MYRFL: variants seen among roughly 807,000 people sequenced by gnomAD.
MYRFL encodes myelin regulatory factor like, also known as myelin regulatory factor-like protein.
A neutral mutation model predicts 109.4 loss-of-function variants in MYRFL; 88 were observed. That is an observed-to-expected ratio of 0.80 (90% CI 0.68 to 0.96). The LOEUF (loss-of-function observed/expected upper bound fraction) is 0.96. Among genes scored for constraint, MYRFL ranks in the 40% least tolerant of loss-of-function variants. The probability of loss-of-function intolerance (pLI) is 0.00; values close to 1 mark genes in which losing one functional copy is unlikely to be tolerated. For synonymous variants in MYRFL, 324 were observed against 320.9 expected (o/e 1.01, Z -0.10); for missense variants, 957 against 954.9 (o/e 1.00, Z -0.03).
rs1955108078 is a variant in MYRFL at position 69,926,932 on chromosome 12, GGTTTTTTTTTTT to G, written c.1766+199_1766+210del. Among the ~76,000 whole-genome samples, 4 of 76,872 alleles carry G rather than the reference GGTTTTTTTTTTT, an allele frequency of 5.2e-5. 1 individual carries two copies. The highest frequency in any genetic ancestry group is 1.0e-4 in the Non-Finnish European group (4 of 39,082). The allele number at this position is 76,872 out of a possible 152,430, so 50.4% of individuals were successfully genotyped here. ...ACTTTCTTAGTTTTTTTCTGTTGCT[GGTTTTTTTTTTT>G]TTTTTTTTTTTTTTTTTGAGCCTGA... On this transcript the variant is annotated intron_variant, in intron 14 of 24. Transcript: ENST00000552032.
At chr12:69,850,728 A>C (rs1002523897) in intron 1 of MYRFL, among the ~76,000 whole-genome samples, 1 of 152,110 alleles carries the variant, frequency 6.6e-6, no homozygotes, top group African/African-American at 2.4e-5. Context: ...CTGTAGCCAA[A>C]ATCCCCTTAG....
At position 69,958,240 on chromosome 12, in the gene MYRFL, A is replaced by ATAAAT; in HGVS notation, c.2572-9_2572-8insTAAAT. ...GTACGAAATGGATCCTCTTTTATTC[A>ATAAAT]CTATTTAGGGATATCAGCACATTTG... On this transcript the variant is annotated splice_polypyrimidine_tract_variant and intron_variant, in intron 23 of 24. Transcript: ENST00000552032. 1.3e-6 allele frequency: 2 copies of ATAAAT among 1,530,656 alleles called. No homozygotes were observed. The highest frequency in any genetic ancestry group is 1.7e-6 in the Non-Finnish European group (2 of 1,143,622). 94.8% of individuals were successfully genotyped at this position (1,530,656 alleles called of 1,614,324 possible).
At position 69,952,815 on chromosome 12, in the gene MYRFL, C is replaced by T; in HGVS notation, c.2304C>T (p.Ile768=). 1 of 1,531,276 alleles carries T rather than the reference C, an allele frequency of 6.5e-7. No individual in the cohort carries two copies. Among genetic ancestry groups the T allele is most frequent in the Non-Finnish European group, 8.7e-7 (1 of 1,143,466 alleles). The allele number at this position is 1,531,276 out of a possible 1,614,324, so 94.9% of individuals were successfully genotyped here. A position where few individuals can be genotyped will look rare whatever the true frequency, so the allele number is the denominator to read the frequency against. The change falls in exon 21 of 25, where the codon ATC becomes ATT. Residue 768 remains isoleucine, a synonymous_variant. Coordinates refer to ENST00000552032, the MANE Select transcript of MYRFL (RefSeq NM_182530.3). ...DWESDWIDTT[I]SSIQIMEIQQ... is the part of the protein sequence containing the mutation. ...TCAATTCAGGGATTGATACAACCAT[C>T]AGTTCTATTCAGATTATGGAAATCC...
chr12:69,856,604 T>A (rs1283573132), intron 2 of MYRFL, among the ~76,000 whole-genome samples: 1 of 152,046 alleles, frequency 6.6e-6, no homozygotes, highest in African/African-American at 2.4e-5. Flanking sequence ...TTCTAATTGG[T>A]TTGTAATGAC....
chr12:69,922,170 T>C lies in MYRFL; in HGVS notation c.1603-4401T>C, dbSNP rs535717091. Reference sequence around the variant, plus strand: ...TAGAGAGGACGGCTGGAAATCTGTTTTGGGCTGCTGGTGGACATCAGCTGA... The same window carrying C: ...TAGAGAGGACGGCTGGAAATCTGTTCTGGGCTGCTGGTGGACATCAGCTGA... On this transcript the variant is annotated intron_variant, in intron 13 of 24. Coordinates refer to ENST00000552032, the MANE Select transcript of MYRFL (RefSeq NM_182530.3). Among the ~76,000 whole-genome samples the C allele has an allele frequency of 2.0e-5, 3 of 152,214 alleles. No homozygotes were observed. In the East Asian group the frequency reaches 5.8e-4, roughly 29 times the overall value.
rs576034261 is a variant in MYRFL at position 69,847,491 on chromosome 12, AAGAAG to A, written c.47-7784_47-7780del. Among the ~76,000 whole-genome samples the A allele has an allele frequency of 4.5e-3, 691 of 152,358 alleles. 6 individuals are homozygous for A. Among genetic ancestry groups the A allele is most frequent in the African/African-American group, 0.015 (637 of 41,582 alleles). On this transcript the variant is annotated intron_variant, in intron 1 of 24. Coordinates refer to ENST00000552032, the MANE Select transcript of MYRFL (RefSeq NM_182530.3). ...ACATTTAAAGAATAAAACAAGTATAAAGAAGAGAAAACAAAACAAAGCACTATCAC... is the reference window on the plus strand; with the variant it reads ...ACATTTAAAGAATAAAACAAGTATAAAGAAAACAAAACAAAGCACTATCAC...
intron 19 of MYRFL, among the ~76,000 whole-genome samples, chr12:69,945,119 T>G (rs1955794450): frequency 6.6e-6 from 1 of 152,168 alleles, no homozygotes; most frequent in East Asian, 1.9e-4. Context: ...AGTCAAAAAG[T>G]TTTTTAAAAT....
In MYRFL at chr12:69,955,454, A is replaced by G; in HGVS notation, c.2450+17A>G. ...GGAAATAAAGTAAGTGCATGGCTGT[A>G]AAAAACAATTTCATTTTTATCATTA... On this transcript the variant is annotated intron_variant, in intron 22 of 24. Transcript: ENST00000552032. 1 of 582,378 alleles carries G rather than the reference A, an allele frequency of 1.7e-6. No homozygotes were observed. The highest frequency in any genetic ancestry group is 2.2e-5 in the South Asian group (1 of 44,480). 36.1% of individuals were successfully genotyped at this position (582,378 alleles called of 1,614,324 possible). A position where few individuals can be genotyped will look rare whatever the true frequency, so the allele number is the denominator to read the frequency against.
chr12:69,908,874 C>T (rs757005305), intron 11 of MYRFL, among the ~76,000 whole-genome samples: 7 of 152,062 alleles, frequency 4.6e-5, no homozygotes, highest in Non-Finnish European at 1.0e-4. Context: ...GCCTAGTACC[C>T]ATCAGCTGTT....
chr12:69,831,134 A>G (rs893896476), intron 1 of MYRFL, among the ~76,000 whole-genome samples: 4 of 152,186 alleles, frequency 2.6e-5, no homozygotes, highest in African/African-American at 4.8e-5. Flanking sequence ...TATAATTTGT[A>G]CTTTTTAGTA....
chr12:69,897,348 T>C (rs1207931253), intron 10 of MYRFL, 102 bp downstream of exon 10: 5 of 815,966 alleles, frequency 6.1e-6, no homozygotes, highest in Non-Finnish European at 1.0e-5. Flanking sequence ...ATTTCGATGA[T>C]AATGATAGTA....
At chr12:69,833,831 T>C (rs1028815094) in intron 1 of MYRFL, among the ~76,000 whole-genome samples, 1 of 149,286 alleles carries the variant, frequency 6.7e-6, no homozygotes, top group African/African-American at 2.5e-5. Context: ...GGGCTTGCTT[T>C]TTTTTTTTTT....
chr12:69,910,704 G>C (rs772775386), intron 12 of MYRFL, 117 bp from the exon 13 acceptor site: 1 of 637,272 alleles, frequency 1.6e-6, no homozygotes, highest in Admixed American at 3.2e-5. Context: ...GTGGTTCTTG[G>C]CTCAAAATTC....
At chr12:69,849,236 T>C (rs777437898) in intron 1 of MYRFL, among the ~76,000 whole-genome samples, 9 of 152,246 alleles carry the variant, frequency 5.9e-5, no homozygotes, top group Non-Finnish European at 1.2e-4. Flanking sequence ...CATATGAATA[T>C]ATATAATCTT....
At chr12:69,922,337 T>A (rs1348685957) in intron 13 of MYRFL, among the ~76,000 whole-genome samples, 1 of 152,188 alleles carries the variant, frequency 6.6e-6, no homozygotes, top group Non-Finnish European at 1.5e-5. Flanking sequence ...TCTGCCTTAT[T>A]TTTATTACAA....
chr12:69,895,474 G>C lies in MYRFL; in HGVS notation c.1084G>C (p.Asp362His). The C allele has an allele frequency of 6.5e-7, 1 of 1,535,242 alleles. No homozygotes were observed. ...GAGAAAAAAGGGAAAACCAAATCCA[G>C]ACCAGAGGTACTGATGTCACTGTGT... ...NMRKKGKPNP[D>H]QRYFMLVVGL... Residue 362 changes from aspartate (D) to histidine (H), a missense_variant, in exon 9 of 25, where the codon GAC becomes CAC. By Grantham distance (81) the Asp-to-His change is moderately conservative. Transcript: ENST00000552032.
chr12:69,900,917 G>C (rs1162489145), intron 10 of MYRFL, among the ~76,000 whole-genome samples: 1 of 152,212 alleles, frequency 6.6e-6, no homozygotes, highest in African/African-American at 2.4e-5. Flanking sequence ...TTAAATAGCT[G>C]CTGCTGTGCC....
chr12:69,938,629 T>C (rs535142309), intron 19 of MYRFL, among the ~76,000 whole-genome samples: 1 of 152,300 alleles, frequency 6.6e-6, no homozygotes, highest in East Asian at 1.9e-4. Context: ...ATTTGCACTT[T>C]AGTTTTTAAT....
At position 69,952,120 on chromosome 12, in the gene MYRFL, A is replaced by C. The variant is rs1955992384; in HGVS notation, c.2232A>C (p.Lys744Asn). The stretch of plus-strand genomic sequence containing the variant: ...GACTTGTTTCCTTTTCAGAAGACAA[A>C]AGCAAATCAGTTTTGGCAAGAAATG... Reference protein sequence around the residue: ...EFHQRRWSEDKSKSVLARNAL... With the variant: ...EFHQRRWSEDNSKSVLARNAL... The change falls in exon 20 of 25, where the codon AAA becomes AAC. Residue 744 changes from lysine (K) to asparagine (N), a missense_variant. Coordinates refer to ENST00000552032, the MANE Select transcript of MYRFL (RefSeq NM_182530.3). The C allele has an allele frequency of 6.5e-7, 1 of 1,536,114 alleles. No individual in the cohort carries two copies. Among genetic ancestry groups the C allele is most frequent in the Non-Finnish European group, 8.7e-7 (1 of 1,146,904 alleles).
Sources: allele counts gnomAD v4.1 joint callset (sites outside exome capture counted in the v4.1 genomes callset), GRCh38; gene constraint gnomAD v4.1.1; transcripts MANE v1.5; gene names NCBI Gene and HGNC (gene_info 2026-07-23, HGNC 2026-07-21).